The following CCDC181 variants were observed in gnomAD, a reference collection of about 807,000 sequenced individuals.
CCDC181 encodes coiled-coil domain containing 181.
A neutral mutation model predicts 58.7 loss-of-function variants in CCDC181; 35 were observed. That is an observed-to-expected ratio of 0.60 (90% CI 0.46 to 0.79). The LOEUF (loss-of-function observed/expected upper bound fraction) is 0.79. CCDC181 is among the 30% of genes least tolerant of loss of function. The probability of loss-of-function intolerance (pLI) is 0.00; values close to 1 mark genes in which losing one functional copy is unlikely to be tolerated. For missense variants in CCDC181, 517 were observed against 583.9 expected, an observed-to-expected ratio of 0.89 and a Z score of 1.18; for synonymous variants, 183 against 197.5, an observed-to-expected ratio of 0.93 and a Z score of 0.62.
At position 169,395,026 on chromosome 1, in the gene CCDC181, T is replaced by A. The variant is rs1249662286; in HGVS notation, c.*21A>T. On this transcript the variant is annotated 3_prime_UTR_variant, in exon 6 of 6. Coordinates refer to ENST00000367806, the MANE Select transcript of CCDC181 (RefSeq NM_001300969.2). ...CAAAATTTTGATAGCAGCTGCCCACTGAAATATTTAATAGAAACTTTCAGT... is the reference window on the plus strand; with the variant it reads ...CAAAATTTTGATAGCAGCTGCCCACAGAAATATTTAATAGAAACTTTCAGT... 3 of 1,564,378 alleles carry A rather than the reference T, an allele frequency of 1.9e-6. No homozygotes were observed. The South Asian group carries it at 3.6e-5, about 19-fold the overall frequency.
intron 2 of CCDC181, among the ~76,000 whole-genome samples, chr1:169,447,032 T>C (rs925889566): frequency 9.9e-5 from 15 of 152,188 alleles, no homozygotes; most frequent in African/African-American, 3.4e-4. Context: ...TTTCGAGCAA[T>C]CTTTTTGTTA....
In CCDC181 at chr1:169,424,898, C is replaced by T; in HGVS notation, c.30G>A (p.Lys10=). The change falls in exon 2 of 6, where the codon AAG becomes AAA. Residue 10 remains lysine, a synonymous_variant. Transcript: ENST00000367806. Reference sequence around the variant, plus strand: ...AGTCATCTTCGTATTCTTCACTTTTCTTTGAATCAGTATCTTTATTTTCAT... The same window carrying T: ...AGTCATCTTCGTATTCTTCACTTTTTTTTGAATCAGTATCTTTATTTTCAT... MNENKDTDS[K]KSEEYEDDFE... 14 of 1,600,588 alleles carry T rather than the reference C, an allele frequency of 8.7e-6. No homozygotes were observed. Among genetic ancestry groups the T allele is most frequent in the Non-Finnish European group, 1.1e-5 (13 of 1,169,362 alleles).
upstream of CCDC181, among the ~76,000 whole-genome samples, chr1:169,431,532 C>T (rs943474594): frequency 1.3e-5 from 2 of 152,294 alleles, no homozygotes; most frequent in Non-Finnish European, 2.9e-5. Flanking sequence ...CCTGGAAAAA[C>T]AATTGCACTG....
intron 2 of CCDC181, among the ~76,000 whole-genome samples, chr1:169,455,579 A>G (rs1330914341): frequency 6.6e-6 from 1 of 152,146 alleles, no homozygotes; most frequent in East Asian, 1.9e-4. Context: ...AAGCAAGAAC[A>G]TGGAGATAGG....
intron 2 of CCDC181, among the ~76,000 whole-genome samples, chr1:169,443,782 C>T (rs1657296181): frequency 6.6e-6 from 1 of 152,136 alleles, no homozygotes; most frequent in Non-Finnish European, 1.5e-5. Context: ...GAATAATCAT[C>T]TTCTGCTCAT....
chr1:169,397,367 CTTG>C lies in CCDC181; in HGVS notation c.1237_1239del (p.Gln413del), dbSNP rs1655108988. On this transcript the variant is annotated inframe_deletion, in exon 5 of 6. Coordinates refer to ENST00000367806, the MANE Select transcript of CCDC181 (RefSeq NM_001300969.2). ...TTTTTTTTAAGCCATAATCGAAAAG[CTTG>C]TTGTGGATCTCTGTTTTCCTGCTGA... is the stretch of plus-strand genomic sequence containing the variant. The C allele has an allele frequency of 1.2e-6, 2 of 1,607,978 alleles. No homozygotes were observed.
chr1:169,404,524 G>A (rs541425338), intron 4 of CCDC181, among the ~76,000 whole-genome samples: 2 of 152,246 alleles, frequency 1.3e-5, no homozygotes, highest in African/African-American at 2.4e-5. Context: ...ATCAATAAAC[G>A]TAATCCATCA....
At chr1:169,417,344 G>T (rs571463711) in intron 4 of CCDC181, among the ~76,000 whole-genome samples, 2 of 152,214 alleles carry the variant, frequency 1.3e-5, no homozygotes, top group Admixed American at 6.5e-5. Context: ...CCTCTCCTCA[G>T]GTTTGATTAA....
intron 2 of CCDC181, among the ~76,000 whole-genome samples, chr1:169,455,966 T>C (rs1257780498): frequency 6.6e-6 from 1 of 152,152 alleles, no homozygotes; most frequent in Admixed American, 6.5e-5. Context: ...CCATAAGACT[T>C]GGTAACTATA....
rs1234559503 is a variant in CCDC181, at chr1:169,424,945, A to C, written c.-18T>G. 11 of 1,420,428 alleles carry C rather than the reference A, an allele frequency of 7.7e-6. No homozygotes were observed. Among genetic ancestry groups the C allele is most frequent in the Non-Finnish European group, 1.1e-5 (11 of 1,008,752 alleles). 88.0% of individuals were successfully genotyped at this position (1,420,428 alleles called of 1,614,324 possible). A position where few individuals can be genotyped will look rare whatever the true frequency, so the allele number is the denominator to read the frequency against. On this transcript the variant is annotated 5_prime_UTR_variant, in exon 2 of 6. In the 5' UTR this introduces an upstream ATG that the reference lacks. Transcript: ENST00000367806. Reference sequence around the variant, plus strand: ...TCATTCATTTTCTGTTTGTGAAGGAAATATGCTGTAAGATTTTAAAAGATA... The same window carrying C: ...TCATTCATTTTCTGTTTGTGAAGGACATATGCTGTAAGATTTTAAAAGATA...
At chr1:169,415,582 A>G (rs75965337) in intron 4 of CCDC181, among the ~76,000 whole-genome samples, 37 of 152,298 alleles carry the variant, frequency 2.4e-4, no homozygotes, top group East Asian at 9.6e-4. Flanking sequence ...TCAGACAAAT[A>G]AATTAATATT....
intron 2 of CCDC181, among the ~76,000 whole-genome samples, chr1:169,448,377 A>T (rs561362176): frequency 6.6e-6 from 1 of 151,878 alleles, no homozygotes; most frequent in Admixed American, 6.6e-5. Flanking sequence ...TCTGCTTGCA[A>T]TGAATTCCTT....
At chr1:169,405,727 C>T (rs1030621204) in intron 4 of CCDC181, among the ~76,000 whole-genome samples, 24 of 152,120 alleles carry the variant, frequency 1.6e-4, no homozygotes, top group Non-Finnish European at 3.4e-4. Flanking sequence ...TAGGAAATAC[C>T]ATTCAGGCCA....
At chr1:169,411,759 C>G (rs1210858714) in intron 4 of CCDC181, among the ~76,000 whole-genome samples, 2 of 152,166 alleles carry the variant, frequency 1.3e-5, no homozygotes, top group African/African-American at 2.4e-5. Flanking sequence ...ATCATATAAA[C>G]AGAAACAATG....
At chr1:169,421,213 C>G in intron 3 of CCDC181, 150 bp downstream of exon 3, 1 of 641,716 alleles carries the variant, frequency 1.6e-6, no homozygotes. Flanking sequence ...CATAAATGCA[C>G]ATTCTTAACA....
intron 2 of CCDC181, among the ~76,000 whole-genome samples, chr1:169,459,468 T>A (rs1008709104): frequency 1.3e-5 from 2 of 152,164 alleles, no homozygotes; most frequent in African/African-American, 4.8e-5. Context: ...GACATAACCA[T>A]GTCTTGTTAT....
chr1:169,416,960 A>G (rs943755119), intron 4 of CCDC181, among the ~76,000 whole-genome samples: 6 of 152,202 alleles, frequency 3.9e-5, no homozygotes, highest in Non-Finnish European at 8.8e-5. Context: ...CACTTAGATA[A>G]TAAAAACCAA....
intron 2 of CCDC181, among the ~76,000 whole-genome samples, chr1:169,423,831 C>T (rs1474175259): frequency 7.2e-5 from 11 of 151,904 alleles, no homozygotes; most frequent in African/African-American, 2.4e-4. Flanking sequence ...CATAAAACTC[C>T]CATTTAAAAG....
intron 4 of CCDC181, among the ~76,000 whole-genome samples, chr1:169,401,447 A>G (rs1206510910): frequency 1.3e-5 from 2 of 152,192 alleles, no homozygotes; most frequent in Non-Finnish European, 2.9e-5. Flanking sequence ...CTCTGAGACG[A>G]AGCTTCCAGA....
Sources: allele counts gnomAD v4.1 joint callset (sites outside exome capture counted in the v4.1 genomes callset), GRCh38; gene constraint gnomAD v4.1.1; transcripts MANE v1.5; gene names NCBI Gene and HGNC (gene_info 2026-07-23, HGNC 2026-07-21).